RIPK3: variants seen among roughly 807,000 people sequenced by gnomAD.
RIPK3 encodes the protein receptor interacting serine/threonine kinase 3.
A neutral mutation model predicts 51.6 loss-of-function variants in RIPK3; 51 were observed. The ratio of observed to expected loss-of-function variants is 0.99; its 90% CI spans 0.79 to 1.25. The LOEUF (loss-of-function observed/expected upper bound fraction) is 1.25, where lower values mean the gene tolerates loss of function less well. Ranked by LOEUF, RIPK3 falls within the 50% of genes most tolerant of loss-of-function variation. The pLI is 0.00. For synonymous variants in RIPK3, 246 were observed against 257.7 expected, an observed-to-expected ratio of 0.95 and a Z score of 0.44; for missense variants, 654 against 650.4, an observed-to-expected ratio of 1.01 and a Z score of -0.06.
At position 24,339,312 on chromosome 14, in the gene RIPK3, G is replaced by A. The variant is rs115520064; in HGVS notation, c.174C>T (p.Ser58=). 6.2e-7 allele frequency: 1 copy of A among 1,611,428 alleles called. No individual in the cohort carries two copies. The highest frequency in any genetic ancestry group is 2.2e-5 in the East Asian group (1 of 44,800). The change falls in exon 3 of 10, where the codon TCC becomes TCT. Residue 58 remains serine (S), a synonymous_variant. Transcript: ENST00000216274. This position sits in a 1 kb window ranked among gnomAD's most constrained non-coding sequence, Gnocchi z 4.0. The stretch of plus-strand genomic sequence containing the variant: ...GACTTGCCATGGCCTTGACCTCCCT[G>A]GATATCGCCTTCCTACACTCCAGGA... ...AVKIVNSKAI[S]REVKAMASLD... is the part of the protein sequence containing the mutation.
chr14:24,336,045 T>C lies in RIPK3; in HGVS notation c.*130A>G. 2 of 894,888 alleles carry C rather than the reference T, an allele frequency of 2.2e-6. No individual in the cohort carries two copies. The highest frequency in any genetic ancestry group is 3.3e-6 in the Non-Finnish European group (2 of 600,896). The allele number at this position is 894,888 out of a possible 1,614,324, so 55.4% of individuals were successfully genotyped here. ...CTGACTAGCATTCCATCATGTTTAT[T>C]GACTCCTGGGGGACAGGTCACAAAG... is the stretch of plus-strand genomic sequence containing the variant. On this transcript the variant is annotated 3_prime_UTR_variant, in exon 10 of 10. Transcript: ENST00000216274.
rs2042158148 is a variant in RIPK3 at position 24,338,492 on chromosome 14, G to C, written c.547C>G (p.Leu183Val). Residue 183 changes from leucine (L) to valine (V), a missense_variant, in exon 4 of 10, where the codon CTG becomes GTG. Leu to Val is a conservative substitution (Grantham distance 32). Transcript: ENST00000216274. ...AACAGTTCTGGGGCCAAGTAGCCCA[G>C]GGTGCCCCCTGGCTCCCCGGACCCT... ...GTGSGEPGGT[L>V]GYLAPELFVN... 1 of 1,613,732 alleles carries C rather than the reference G, an allele frequency of 6.2e-7. No individual in the cohort carries two copies. Among genetic ancestry groups the C allele is most frequent in the Non-Finnish European group, 8.5e-7 (1 of 1,179,772 alleles).
rs764448929 is a variant in RIPK3 at position 24,339,358 on chromosome 14, GGTC to G, written c.162-37_162-35del. ...CAGGAGAGAGCTGGAGTCGCACCGG[GGTC>G]GTGGGAAAATCCCTCCCTTCGCCAT... On this transcript the variant is annotated intron_variant, in intron 2 of 9. Transcript: ENST00000216274. This position sits in a 1 kb window ranked among gnomAD's most constrained non-coding sequence, Gnocchi z 4.0. 1 of 1,607,862 alleles carries G rather than the reference GGTC, an allele frequency of 6.2e-7. No individual in the cohort carries two copies. Among genetic ancestry groups the G allele is most frequent in the African/African-American group, 1.3e-5 (1 of 74,916 alleles).
chr14:24,336,658 G>A (rs753083808), intron 9 of RIPK3: 1 of 666,636 alleles, frequency 1.5e-6, no homozygotes, highest in East Asian at 2.7e-5. Context: ...CAGAGCTGGT[G>A]TTGTGGAAAG....
chr14:24,336,058 A>C lies in RIPK3; in HGVS notation c.*117T>G. On this transcript the variant is annotated 3_prime_UTR_variant, in exon 10 of 10. Transcript: ENST00000216274. ...CATCATGTTTATTGACTCCTGGGGGACAGGTCACAAAGTCAGTTTGTGGGC... is the reference window on the plus strand; with the variant it reads ...CATCATGTTTATTGACTCCTGGGGGCCAGGTCACAAAGTCAGTTTGTGGGC... 1.0e-6 allele frequency: 1 copy of C among 983,536 alleles called. No individual in the cohort carries two copies. Among genetic ancestry groups the C allele is most frequent in the Non-Finnish European group, 1.5e-6 (1 of 676,038 alleles). 60.9% of individuals were successfully genotyped at this position (983,536 alleles called of 1,614,324 possible).
Position 24,339,625 on chromosome 14 carries a change from GGCCGT to G in RIPK3, c.21-33_21-29del. ...GAGAGAGGGGTGTCGCCCACTAGCC[GGCCGT>G]GCCGTGCCTCAGCGCTGCTCCCCGC... is the stretch of plus-strand genomic sequence containing the variant. On this transcript the variant is annotated intron_variant, in intron 1 of 9. Transcript: ENST00000216274. The surrounding 1 kb of genome is among the most constrained non-coding windows in gnomAD (Gnocchi z 4.0). 6.2e-7 allele frequency: 1 copy of G among 1,612,594 alleles called. No individual in the cohort carries two copies. Among genetic ancestry groups the G allele is most frequent in the South Asian group, 1.1e-5 (1 of 91,018 alleles).
rs1018393044 is a variant in RIPK3, at chr14:24,336,536, C to T, written c.1337-141G>A. 3.9e-5 allele frequency: 47 copies of T among 1,217,244 alleles called. No individual in the cohort carries two copies. In the African/African-American group the frequency reaches 5.3e-4, roughly 14 times the overall value. 75.4% of individuals were successfully genotyped at this position (1,217,244 alleles called of 1,614,324 possible). ...GTGCTCCTCCCCTCAGAGCTCCTCT[C>T]CAGAATTGTGTTAGCAGAAGCTCTA... On this transcript the variant is annotated intron_variant, in intron 9 of 9. Coordinates refer to ENST00000216274, the MANE Select transcript of RIPK3 (RefSeq NM_006871.4).
At position 24,337,383 on chromosome 14, in the gene RIPK3, T is replaced by A; in HGVS notation, c.978A>T (p.Glu326Asp). The change falls in exon 8 of 10, where the codon GAA becomes GAT. Residue 326 changes from glutamate to aspartate, a missense_variant. By Grantham distance (45) the Glu-to-Asp change is conservative. Coordinates refer to ENST00000216274, the MANE Select transcript of RIPK3 (RefSeq NM_006871.4). The stretch of plus-strand genomic sequence containing the variant: ...CTATGGTTCTCCTAAAGCCATCCAT[T>A]TCTGTCCCTCCTTGGCCTGACTCTG... ...SIPESGQGGT[E>D]MDGFRRTIEN... 1.9e-6 allele frequency: 3 copies of A among 1,614,128 alleles called. No homozygotes were observed. The highest frequency in any genetic ancestry group is 2.2e-5 in the South Asian group (2 of 91,088).
At chr14:24,336,976 C>T in intron 8 of RIPK3, 31 bp from the exon 9 acceptor site, 2 of 1,610,262 alleles carry the variant, frequency 1.2e-6, no homozygotes, top group Non-Finnish European at 1.7e-6. Context: ...CCAGTTCTGC[C>T]CTGGAGCCTG....
At chr14:24,338,965 G>C in intron 3 of RIPK3, 50 bp downstream of exon 3, 1 of 1,482,920 alleles carries the variant, frequency 6.7e-7, no homozygotes, top group Non-Finnish European at 9.4e-7. Context: ...CCTGGCTGGA[G>C]CAGCTCTGGG....
At chr14:24,337,014 C>T in intron 8 of RIPK3, 69 bp from the exon 9 acceptor site, 2 of 1,605,890 alleles carry the variant, frequency 1.2e-6, no homozygotes, top group Non-Finnish European at 1.7e-6. Flanking sequence ...CTCTCAGCCC[C>T]AAGTTTTCGC....
intron 4 of RIPK3, 60 bp from the exon 5 acceptor site, chr14:24,338,355 A>G (rs766321294): frequency 1.9e-6 from 3 of 1,557,768 alleles, no homozygotes; most frequent in Non-Finnish European, 2.6e-6. Flanking sequence ...TTTCCTATAC[A>G]TCATCCCCTG....
At position 24,339,104 on chromosome 14, in the gene RIPK3, TCCCAA is replaced by T; in HGVS notation, c.377_381del (p.Leu126HisfsTer66). On this transcript the variant is annotated frameshift_variant, in exon 3 of 10. Transcript: ENST00000216274. LOFTEE classifies it high-confidence loss of function. This position sits in a 1 kb window ranked among gnomAD's most constrained non-coding sequence, Gnocchi z 4.0. Reference sequence around the variant, plus strand: ...GGGTTCTGGTCGTGCAGGTAAAACATCCCAAGCACCACTTCTTTCAGCAGGCGGCA... The same window carrying T: ...GGGTTCTGGTCGTGCAGGTAAAACATGCACCACTTCTTTCAGCAGGCGGCA... The T allele has an allele frequency of 1.2e-6, 2 of 1,614,120 alleles. No individual in the cohort carries two copies. The highest frequency in any genetic ancestry group is 4.5e-5 in the East Asian group (2 of 44,860).
In RIPK3 at chr14:24,336,354, C is replaced by T. The variant is rs141814546; in HGVS notation, c.1378G>A (p.Val460Ile). The change falls in exon 10 of 10, where the codon GTT becomes ATT. Residue 460 changes from valine to isoleucine, a missense_variant. Transcript: ENST00000216274. ...ATAGTCAAGTAGTTGTTGTCTCCAA[C>T]TTGCACCCCAGAGCAGTTGTATATG... ...VNIYNCSGVQ[V>I]GDNNYLTMQQ... 2.0e-5 allele frequency: 32 copies of T among 1,613,756 alleles called. No individual in the cohort carries two copies. Among genetic ancestry groups the T allele is most frequent in the Non-Finnish European group, 2.6e-5 (31 of 1,180,050 alleles).
At position 24,337,962 on chromosome 14, in the gene RIPK3, G is replaced by C. The variant is rs371354196; in HGVS notation, c.743C>G (p.Ala248Gly). The C allele has an allele frequency of 6.2e-7, 1 of 1,614,222 alleles. No homozygotes were observed. ...TTCTAAGCCGGGAGTCTCAGGCCCG[G>C]CTTGGGGCAGCTCAGCCAATGAAGG... ...NRPSLAELPQ[A>G]GPETPGLEGL... Residue 248 changes from alanine to glycine, a missense_variant, in exon 6 of 10, where the codon GCC becomes GGC. Coordinates refer to ENST00000216274, the MANE Select transcript of RIPK3 (RefSeq NM_006871.4).
At chr14:24,336,727 C>T in intron 9 of RIPK3, 158 bp downstream of exon 9, 1 of 794,894 alleles carries the variant, frequency 1.3e-6, no homozygotes, top group African/African-American at 1.7e-5. Context: ...GCTCCTTTCT[C>T]AGGGGGTGTC....
In RIPK3 at chr14:24,339,047, T is replaced by C; in HGVS notation, c.439A>G (p.Asn147Asp). ...TGCAGCTCTGGGTCCAGCAGGACGT[T>C]GGATGGCTTGAGGTCCCGGTGCAGG... Reference protein sequence around the residue: ...VLLHRDLKPSNVLLDPELHVK... With the variant: ...VLLHRDLKPSDVLLDPELHVK... Residue 147 changes from asparagine (N) to aspartate (D), a missense_variant, in exon 3 of 10, where the codon AAC (asparagine) becomes GAC (aspartate). Coordinates refer to ENST00000216274, the MANE Select transcript of RIPK3 (RefSeq NM_006871.4). This position sits in a 1 kb window ranked among gnomAD's most constrained non-coding sequence, Gnocchi z 4.0. 6.2e-7 allele frequency: 1 copy of C among 1,614,184 alleles called. No individual in the cohort carries two copies. Among genetic ancestry groups the C allele is most frequent in the African/African-American group, 1.3e-5 (1 of 75,048 alleles).
Position 24,339,884 on chromosome 14 carries a change from C to T in RIPK3, c.-58G>A, listed in dbSNP as rs1038270533. On this transcript the variant is annotated 5_prime_UTR_variant, in exon 1 of 10. Transcript: ENST00000216274. This position sits in a 1 kb window ranked among gnomAD's most constrained non-coding sequence, Gnocchi z 4.0. ...TTGCGAGCCGTAGGAGATGGAGTGA[C>T]TTCTGGGGCTTGGTCCTTTCGCAGA... 1.3e-6 allele frequency: 2 copies of T among 1,525,078 alleles called. No homozygotes were observed. Among genetic ancestry groups the T allele is most frequent in the Non-Finnish European group, 1.8e-6 (2 of 1,136,914 alleles). 94.5% of individuals were successfully genotyped at this position (1,525,078 alleles called of 1,614,324 possible).
chr14:24,339,877 G>A lies in RIPK3; in HGVS notation c.-51C>T. 6.5e-7 allele frequency: 1 copy of A among 1,537,114 alleles called. No individual in the cohort carries two copies. Among genetic ancestry groups the A allele is most frequent in the Non-Finnish European group, 8.7e-7 (1 of 1,145,544 alleles). Reference sequence around the variant, plus strand: ...CTGGAAATTGCGAGCCGTAGGAGATGGAGTGACTTCTGGGGCTTGGTCCTT... The same window carrying A: ...CTGGAAATTGCGAGCCGTAGGAGATAGAGTGACTTCTGGGGCTTGGTCCTT... On this transcript the variant is annotated 5_prime_UTR_variant, in exon 1 of 10. Transcript: ENST00000216274. The surrounding 1 kb of genome is among the most constrained non-coding windows in gnomAD (Gnocchi z 4.0).
Sources: allele counts gnomAD v4.1 joint callset, GRCh38; gene constraint gnomAD v4.1.1; non-coding constraint Gnocchi (gnomAD v3.1); transcripts MANE v1.5; gene names NCBI Gene and HGNC (gene_info 2026-07-23, HGNC 2026-07-21).